LPP: variants seen among roughly 807,000 people sequenced by gnomAD.
LPP encodes lipoma-preferred partner.
LPP carries 38 observed loss-of-function variants against 60.4 expected under a neutral mutation model. That is an observed-to-expected ratio of 0.63 (90% CI 0.49 to 0.83). The LOEUF (loss-of-function observed/expected upper bound fraction) is 0.83, where lower values mean the gene tolerates loss of function less well. Among genes scored for constraint, LPP ranks in the 40% least tolerant of loss-of-function variants. The pLI, the probability that LPP is intolerant of heterozygous loss-of-function variation, is 0.00. For missense variants in LPP, 902 were observed against 783.6 expected (o/e 1.15, Z -1.80); for synonymous variants, 328 against 290.8 (o/e 1.13, Z -1.30).
At chr3:188,345,559 C>T (rs147955662) in intron 3 of LPP, among the ~76,000 whole-genome samples, 13 of 152,236 alleles carry the variant, frequency 8.5e-5, no homozygotes, top group Non-Finnish European at 1.8e-4. Context: ...GAATAATAGC[C>T]AACACAATGA....
intron 4 of LPP, among the ~76,000 whole-genome samples, chr3:188,412,336 T>G (rs115102588): frequency 5.3e-3 from 805 of 152,262 alleles, no homozygotes; most frequent in Non-Finnish European, 8.3e-3. Context: ...CCATTCAGAC[T>G]TTGGGTCTGC....
At chr3:188,851,524 C>T (rs1228697056) in intron 9 of LPP, among the ~76,000 whole-genome samples, 1 of 152,146 alleles carries the variant, frequency 6.6e-6, no homozygotes, top group Non-Finnish European at 1.5e-5. Context: ...ATGCCTTGGG[C>T]ATTATTATTG....
chr3:188,621,551 T>C (rs1845803063), intron 7 of LPP, among the ~76,000 whole-genome samples: 2 of 152,240 alleles, frequency 1.3e-5, no homozygotes, highest in African/African-American at 4.8e-5. Context: ...GTACCACATT[T>C]TTTTAAATCT....
chr3:188,774,739 T>G (rs1737176947), intron 9 of LPP, among the ~76,000 whole-genome samples: 2 of 152,138 alleles, frequency 1.3e-5, no homozygotes, highest in African/African-American at 2.4e-5. Flanking sequence ...CCTCTCACTG[T>G]GTCCTTACAT....
intron 9 of LPP, among the ~76,000 whole-genome samples, chr3:188,848,366 C>A (rs532802395): frequency 1.3e-5 from 2 of 152,146 alleles, no homozygotes; most frequent in Non-Finnish European, 2.9e-5. Context: ...TGGAATGGGT[C>A]CCTCTCTGAT....
intron 3 of LPP, among the ~76,000 whole-genome samples, chr3:188,376,958 C>G (rs1262406035): frequency 6.6e-6 from 1 of 152,126 alleles, no homozygotes; most frequent in Non-Finnish European, 1.5e-5. Context: ...TTCTCCTTCA[C>G]TTATGAAGCT....
chr3:188,364,898 C>T (rs575451496), intron 3 of LPP, among the ~76,000 whole-genome samples: 2 of 150,502 alleles, frequency 1.3e-5, no homozygotes, highest in East Asian at 2.0e-4. Flanking sequence ...GAGGAAGAAG[C>T]CCTGGAGTCC....
chr3:188,746,894 T>A (rs1284685180), intron 8 of LPP, among the ~76,000 whole-genome samples: 1 of 152,170 alleles, frequency 6.6e-6, no homozygotes, highest in East Asian at 1.9e-4. Context: ...TGTCAATAAG[T>A]TTGAAGTCTT....
chr3:188,783,615 C>T (rs1425019588), intron 9 of LPP, among the ~76,000 whole-genome samples: 1 of 151,994 alleles, frequency 6.6e-6, no homozygotes, highest in Non-Finnish European at 1.5e-5. Context: ...GGGCTTCATA[C>T]CTGAGTGGTG....
At chr3:188,823,287 C>A (rs1336485825) in intron 9 of LPP, among the ~76,000 whole-genome samples, 1 of 152,184 alleles carries the variant, frequency 6.6e-6, no homozygotes, top group East Asian at 1.9e-4. Flanking sequence ...CCTCCTAATG[C>A]CATCTAAGCT....
intron 8 of LPP, among the ~76,000 whole-genome samples, chr3:188,745,972 G>A (rs576795230): frequency 8.5e-5 from 13 of 152,194 alleles, no homozygotes; most frequent in Admixed American, 2.0e-4. Flanking sequence ...CTCTCATCCC[G>A]TTGCACTTAC....
At chr3:188,240,103 A>G (rs540916041) in intron 2 of LPP, 1 of 194,924 alleles carries the variant, frequency 5.1e-6, no homozygotes, top group African/African-American at 2.3e-5. Context: ...GCAGATGGAT[A>G]CATCTGTGAC....
At chr3:188,208,588 C>T (rs1483376703) in intron 1 of LPP, among the ~76,000 whole-genome samples, 1 of 152,206 alleles carries the variant, frequency 6.6e-6, no homozygotes, top group East Asian at 1.9e-4. Flanking sequence ...TTTCTAACAG[C>T]TTCTCCAAGG....
chr3:188,800,296 G>A (rs6771045), intron 9 of LPP, among the ~76,000 whole-genome samples: 109,216 of 140,942 alleles, frequency 0.77, 43,337 homozygotes, highest in African/African-American at 0.93. Context: ...CTCAGGCTGG[G>A]GTGCAGTGGC....
At chr3:188,443,536 T>G (rs969061883) in intron 4 of LPP, among the ~76,000 whole-genome samples, 17 of 152,244 alleles carry the variant, frequency 1.1e-4, no homozygotes, top group Non-Finnish European at 1.9e-4. Flanking sequence ...TTGTAGGTAC[T>G]TAACAAACAT....
chr3:188,658,443 A>G (rs1853849632), intron 7 of LPP, among the ~76,000 whole-genome samples: 1 of 152,144 alleles, frequency 6.6e-6, no homozygotes. Flanking sequence ...AATACATGCA[A>G]CTGGCTTAAC....
chr3:188,607,370 G>GATATATAT (rs10527365), intron 6 of LPP, among the ~76,000 whole-genome samples: 28 of 102,710 alleles, frequency 2.7e-4, no homozygotes, highest in African/African-American at 3.9e-4. Context: ...GAAAATAGAA[G>GATATATAT]ATATATATAT....
chr3:188,228,649 G>A (rs925891091), intron 2 of LPP, among the ~76,000 whole-genome samples: 1 of 152,100 alleles, frequency 6.6e-6, no homozygotes, highest in Admixed American at 6.5e-5. Context: ...CCAAATGACT[G>A]GACAGAAAGA....
chr3:188,807,690 T>G (rs966075180), intron 9 of LPP, among the ~76,000 whole-genome samples: 1 of 152,144 alleles, frequency 6.6e-6, no homozygotes, highest in Admixed American at 6.6e-5. Context: ...AGCATTTTCA[T>G]TTTATTTTCA....
Sources: allele counts gnomAD v4.1 joint callset (sites outside exome capture counted in the v4.1 genomes callset), GRCh38; gene constraint gnomAD v4.1.1; transcripts MANE v1.5; gene names NCBI Gene and HGNC (gene_info 2026-07-23, HGNC 2026-07-21).